Variants in RAP1B observed in about 807,000 individuals in gnomAD.
RAP1B encodes the protein ras-related protein Rap-1b.
Under a neutral mutation model 27.5 loss-of-function variants are expected in RAP1B, and 1 was observed. That is an observed-to-expected ratio of 0.04 (90% CI 0.01 to 0.17). The LOEUF (loss-of-function observed/expected upper bound fraction) is 0.17. RAP1B is among the 10% of genes least tolerant of loss of function. The probability of loss-of-function intolerance (pLI) is 1.00; values close to 1 mark genes in which losing one functional copy is unlikely to be tolerated. For missense variants in RAP1B, 84 were observed against 214.8 expected, an observed-to-expected ratio of 0.39 and a Z score of 3.81; for synonymous variants, 75 against 73.1, an observed-to-expected ratio of 1.03 and a Z score of -0.13.
chr12:68,632,136 TTTTTTTTTTGTTTG>T (rs1243748550), intron 1 of RAP1B, among the ~76,000 whole-genome samples: 31 of 134,242 alleles, frequency 2.3e-4, no homozygotes, highest in African/African-American at 8.0e-4. Flanking sequence ...TTTGTTTTTT[TTTTTTTTTTGTTTG>T]TTTTTTTTTT....
At position 68,629,327 on chromosome 12, in the gene RAP1B, A is replaced by G. The variant is rs1872065240; in HGVS notation, c.-27+18284A>G. On this transcript the variant is annotated intron_variant, in intron 1 of 7. Transcript: ENST00000250559. ...CCTTATTTTCATTGTTGCTCTGAAG[A>G]TTGAAATTTAATATATGGAAGGACA... Among the ~76,000 whole-genome samples the G allele has an allele frequency of 2.6e-5, 4 of 152,200 alleles. 1 individual carries two copies. Among genetic ancestry groups the G allele is most frequent in the Admixed American group, 2.0e-4 (3 of 15,280 alleles).
At position 68,663,558 on chromosome 12, in the gene RAP1B, A is replaced by T. The variant is rs532224286; in HGVS notation, c.*4309A>T. 6.6e-6 allele frequency: 1 copy of T among 152,360 alleles called. No individual in the cohort carries two copies. The highest frequency in any genetic ancestry group is 2.4e-5 in the African/African-American group (1 of 41,574). The allele number at this position is 152,360 out of a possible 1,614,324, so 9.4% of individuals were successfully genotyped here. A position where few individuals can be genotyped will look rare whatever the true frequency, so the allele number is the denominator to read the frequency against. ...GCTTGACATTAGTTTATCTTTGAAA[A>T]GTAAAAGTAAAGTGCTTATTGCTAA... On this transcript the variant is annotated 3_prime_UTR_variant, in exon 8 of 8. Coordinates refer to ENST00000250559, the MANE Select transcript of RAP1B (RefSeq NM_001010942.3).
intron 2 of RAP1B, chr12:68,648,989 A>G (rs1004363350): frequency 8.0e-6 from 4 of 499,258 alleles, no homozygotes; most frequent in African/African-American, 4.0e-5. Context: ...GAATGACACG[A>G]GTTATGCTGG....
chr12:68,642,611 T>A, intron 1 of RAP1B: 1 of 1,028,660 alleles, frequency 9.7e-7, no homozygotes, highest in South Asian at 1.3e-5. Flanking sequence ...AGTGGTCATC[T>A]GATCAAATGG....
At chr12:68,633,687 G>C (rs1468409210) in intron 1 of RAP1B, among the ~76,000 whole-genome samples, 1 of 151,940 alleles carries the variant, frequency 6.6e-6, no homozygotes, top group Admixed American at 6.6e-5. Context: ...TGGCCAATGT[G>C]GTGAAACCCC....
intron 1 of RAP1B, among the ~76,000 whole-genome samples, chr12:68,641,713 A>C (rs1873017781): frequency 6.6e-6 from 1 of 152,188 alleles, no homozygotes; most frequent in Admixed American, 6.5e-5. Context: ...TACCCAAAAA[A>C]TATATTCAAA....
intron 1 of RAP1B, among the ~76,000 whole-genome samples, chr12:68,612,151 A>C (rs1870648837): frequency 6.6e-6 from 1 of 152,190 alleles, no homozygotes. Flanking sequence ...TAGTATTTTA[A>C]AATTAATTCC....
In RAP1B at chr12:68,632,085, CA is replaced by C. The variant is rs1377565770; in HGVS notation, c.-26-16613del. The stretch of plus-strand genomic sequence containing the variant: ...TCTTTTTCTTTTTAAAGAATAAACA[CA>C]TAAAATGAACATGAAGGAAACAGTT... On this transcript the variant is annotated intron_variant, in intron 1 of 7. Transcript: ENST00000250559. Among the ~76,000 whole-genome samples, 3 of 145,528 alleles carry C rather than the reference CA, an allele frequency of 2.1e-5. No homozygotes were observed. In the East Asian group the frequency reaches 6.2e-4, roughly 30 times the overall value.
At chr12:68,623,467 A>T (rs1871525851) in intron 1 of RAP1B, among the ~76,000 whole-genome samples, 1 of 152,232 alleles carries the variant, frequency 6.6e-6, no homozygotes, top group Non-Finnish European at 1.5e-5. Flanking sequence ...CCTTATCTAT[A>T]TATAACCTTT....
intron 1 of RAP1B, among the ~76,000 whole-genome samples, chr12:68,631,141 T>TA (rs1872205511): frequency 6.6e-6 from 1 of 152,232 alleles, no homozygotes; most frequent in Non-Finnish European, 1.5e-5. Flanking sequence ...TATCCTGTTA[T>TA]AAAAAATAGG....
At chr12:68,616,800 A>G (rs888903225) in intron 1 of RAP1B, among the ~76,000 whole-genome samples, 1 of 151,926 alleles carries the variant, frequency 6.6e-6, no homozygotes, top group Non-Finnish European at 1.5e-5. Flanking sequence ...TCGTGGGCTC[A>G]AGGGATCTGC....
At chr12:68,626,493 C>T (rs1871790840) in intron 1 of RAP1B, among the ~76,000 whole-genome samples, 1 of 152,130 alleles carries the variant, frequency 6.6e-6, no homozygotes, top group South Asian at 2.1e-4. Context: ...CTTGGATAAC[C>T]TCTTTCCCCC....
chr12:68,627,444 T>G, intron 1 of RAP1B: 1 of 392,062 alleles, frequency 2.6e-6, no homozygotes, highest in Non-Finnish European at 4.8e-6. Flanking sequence ...CTAATAATAG[T>G]GTTAGGAGTA....
chr12:68,640,776 T>C (rs1026756827), intron 1 of RAP1B, among the ~76,000 whole-genome samples: 1 of 152,196 alleles, frequency 6.6e-6, no homozygotes, highest in Non-Finnish European at 1.5e-5. Flanking sequence ...GAATGTTGGA[T>C]AATTAAATCA....
intron 1 of RAP1B, among the ~76,000 whole-genome samples, chr12:68,647,588 A>C (rs932214020): frequency 7.1e-6 from 1 of 139,990 alleles, no homozygotes; most frequent in African/African-American, 2.7e-5. Context: ...TTTTTTTTTT[A>C]ATTTCCCCAA....
At chr12:68,617,129 A>G (rs1871084660) in intron 1 of RAP1B, among the ~76,000 whole-genome samples, 1 of 152,234 alleles carries the variant, frequency 6.6e-6, no homozygotes, top group African/African-American at 2.4e-5. Flanking sequence ...GTTACTTTAT[A>G]CTAAATTCAG....
chr12:68,654,353 G>GGGC, intron 5 of RAP1B, 101 bp downstream of exon 5: 1 of 450,956 alleles, frequency 2.2e-6, no homozygotes, highest in Non-Finnish European at 3.3e-6. Context: ...ATTTTGGTTG[G>GGGC]GGGGGGGGTG....
Position 68,667,886 on chromosome 12 carries a change from T to A in RAP1B, c.*8637T>A, listed in dbSNP as rs1430846139. 6.6e-6 allele frequency: 1 copy of A among 152,240 alleles called. No individual in the cohort carries two copies. Among genetic ancestry groups the A allele is most frequent in the Non-Finnish European group, 1.5e-5 (1 of 68,042 alleles). 9.4% of individuals were successfully genotyped at this position (152,240 alleles called of 1,614,324 possible). ...CTTGGGCTCTTTGCAGAAGCTGAAC[T>A]ATCTGGTAATTACTATTTAGCAAAC... On this transcript the variant is annotated 3_prime_UTR_variant, in exon 8 of 8. Transcript: ENST00000250559.
rs190313935 is a variant in RAP1B, at chr12:68,662,495, T to G, written c.*3246T>G. ...CATTTATAAAATGAAGTTTTGCCGT[T>G]TTTTTTTTTAAATCATTCCGTCTTT... On this transcript the variant is annotated 3_prime_UTR_variant, in exon 8 of 8. Transcript: ENST00000250559. The G allele has an allele frequency of 6.6e-6, 1 of 150,806 alleles. No homozygotes were observed. The highest frequency in any genetic ancestry group is 2.0e-4 in the East Asian group (1 of 5,100). The allele number at this position is 150,806 out of a possible 1,614,324, so 9.3% of individuals were successfully genotyped here.
Sources: allele counts gnomAD v4.1 joint callset (sites outside exome capture counted in the v4.1 genomes callset), GRCh38; gene constraint gnomAD v4.1.1; transcripts MANE v1.5; gene names NCBI Gene and HGNC (gene_info 2026-07-23, HGNC 2026-07-21).